The following CPNE4 variants were observed in gnomAD, a reference collection of about 807,000 sequenced individuals.
CPNE4 encodes the protein copine 4.
CPNE4 carries 25 observed loss-of-function variants against 67.9 expected under a neutral mutation model. The observed-to-expected ratio is 0.37, with a 90% CI of 0.27 to 0.51. The LOEUF is 0.51. Ranked by LOEUF, CPNE4 falls within the 20% of genes least tolerant of loss-of-function variation. CPNE4 has a pLI of 0.93. For synonymous variants in CPNE4, 242 were observed against 244.9 expected, an observed-to-expected ratio of 0.99 and a Z score of 0.11; for missense variants, 464 against 690.8, an observed-to-expected ratio of 0.67 and a Z score of 3.68.
At position 131,642,680 on chromosome 3, in the gene CPNE4, A is replaced by G. The variant is rs115422565; in HGVS notation, c.681+26995T>C. Among the ~76,000 whole-genome samples, 1,117 of 152,230 alleles carry G rather than the reference A, an allele frequency of 7.3e-3. 15 individuals carry two copies. The highest frequency in any genetic ancestry group is 0.026 in the African/African-American group (1,067 of 41,524). ...TGCTGCTGTTCTCATAATAGTGAGA[A>G]AATTCTTATGATATCCGATGGTTTT... is the stretch of plus-strand genomic sequence containing the variant. On this transcript the variant is annotated intron_variant, in intron 7 of 15. Coordinates refer to ENST00000429747, the MANE Select transcript of CPNE4 (RefSeq NM_130808.3).
intron 5 of CPNE4, among the ~76,000 whole-genome samples, chr3:131,692,334 G>C (rs966123266): frequency 4.6e-5 from 7 of 152,052 alleles, no homozygotes; most frequent in Admixed American, 3.9e-4. Context: ...TGAGCTTTGG[G>C]GATAATGTAG....
At chr3:132,011,278 A>T (rs1378763352) in intron 1 of CPNE4, among the ~76,000 whole-genome samples, 1 of 152,324 alleles carries the variant, frequency 6.6e-6, no homozygotes, top group South Asian at 2.1e-4. Context: ...GTTGGCAGAG[A>T]ACTGGGATCA....
intron 2 of CPNE4, among the ~76,000 whole-genome samples, chr3:131,747,708 A>T (rs1029002794): frequency 6.6e-6 from 1 of 152,116 alleles, no homozygotes; most frequent in African/African-American, 2.4e-5. Context: ...TAGAAATGCA[A>T]CTGACTTTGC....
chr3:131,670,609 C>A (rs532172731), intron 6 of CPNE4, among the ~76,000 whole-genome samples: 1 of 152,264 alleles, frequency 6.6e-6, no homozygotes, highest in Admixed American at 6.5e-5. Flanking sequence ...AGCTGCATCA[C>A]CTGGAAACTT....
intron 2 of CPNE4, among the ~76,000 whole-genome samples, chr3:131,764,893 A>G (rs896185018): frequency 1.3e-5 from 2 of 152,116 alleles, no homozygotes; most frequent in African/African-American, 4.8e-5. Context: ...ATTGTTTAAC[A>G]AAGACCTCCT....
intron 15 of CPNE4, chr3:131,537,529 C>T (rs1433323637): frequency 2.6e-5 from 5 of 192,046 alleles, no homozygotes; most frequent in African/African-American, 7.2e-5. Context: ...GTGATCCGCC[C>T]GCCTCAGCAT....
At chr3:131,920,881 C>T (rs531456709) in intron 1 of CPNE4, among the ~76,000 whole-genome samples, 1 of 152,096 alleles carries the variant, frequency 6.6e-6, no homozygotes, top group Non-Finnish European at 1.5e-5. Context: ...CCTCCCTCTC[C>T]GCAAATTGAG....
chr3:131,822,284 T>C (rs1265043172), intron 2 of CPNE4, among the ~76,000 whole-genome samples: 1 of 152,184 alleles, frequency 6.6e-6, no homozygotes, highest in Non-Finnish European at 1.5e-5. Flanking sequence ...TGGTTCTTTG[T>C]CAAAAAATCC....
At chr3:131,934,919 G>C (rs1029247654) in intron 1 of CPNE4, among the ~76,000 whole-genome samples, 1 of 152,144 alleles carries the variant, frequency 6.6e-6, no homozygotes, top group Non-Finnish European at 1.5e-5. Flanking sequence ...GCTGGAAAAA[G>C]GGAGATTTCC....
At chr3:131,671,991 C>T (rs2080430161) in intron 6 of CPNE4, among the ~76,000 whole-genome samples, 1 of 152,126 alleles carries the variant, frequency 6.6e-6, no homozygotes, top group East Asian at 1.9e-4. Flanking sequence ...CCTCTGCTGT[C>T]CATCATTGTA....
At chr3:131,597,084 T>G (rs775039654) in intron 7 of CPNE4, among the ~76,000 whole-genome samples, 4 of 152,228 alleles carry the variant, frequency 2.6e-5, no homozygotes, top group Non-Finnish European at 4.4e-5. Context: ...TGTCATGCTC[T>G]GACTCATTTA....
intron 2 of CPNE4, among the ~76,000 whole-genome samples, chr3:131,820,427 C>T (rs1400415226): frequency 6.6e-6 from 1 of 152,190 alleles, no homozygotes; most frequent in Non-Finnish European, 1.5e-5. Flanking sequence ...CACAGAAGGA[C>T]ATGATCGTTG....
chr3:131,857,957 T>C (rs1294198144), intron 2 of CPNE4, among the ~76,000 whole-genome samples: 1 of 152,130 alleles, frequency 6.6e-6, no homozygotes, highest in East Asian at 1.9e-4. Context: ...ACACAGGTGC[T>C]GGGAAGAGAA....
intron 1 of CPNE4, among the ~76,000 whole-genome samples, chr3:131,952,575 GGTC>G (rs1176363622): frequency 7.0e-5 from 6 of 85,164 alleles, no homozygotes; most frequent in African/African-American, 1.6e-4. Flanking sequence ...GAGGTGGGGG[GGTC>G]AGCACCCCGC....
At chr3:131,976,080 G>GTTT (rs1245538687) in intron 1 of CPNE4, among the ~76,000 whole-genome samples, 1 of 70,906 alleles carries the variant, frequency 1.4e-5, no homozygotes, top group African/African-American at 5.5e-5. Flanking sequence ...CAATATTGTT[G>GTTT]GTTTTTTTTT....
chr3:131,601,462 CT>C (rs1274200606), intron 7 of CPNE4, among the ~76,000 whole-genome samples: 6 of 152,066 alleles, frequency 3.9e-5, no homozygotes, highest in African/African-American at 1.4e-4. Context: ...CAAGGGTTGT[CT>C]GGGAGTGTTC....
At chr3:131,779,428 A>G (rs553705889) in intron 2 of CPNE4, among the ~76,000 whole-genome samples, 1 of 152,272 alleles carries the variant, frequency 6.6e-6, no homozygotes, top group African/African-American at 2.4e-5. Flanking sequence ...CCCAACTTCA[A>G]ACAATACTGC....
intron 2 of CPNE4, among the ~76,000 whole-genome samples, chr3:131,811,912 G>C (rs547483638): frequency 6.6e-6 from 1 of 152,150 alleles, no homozygotes; most frequent in South Asian, 2.1e-4. Context: ...CTTGCTCAAG[G>C]TCACACAGCT....
intron 9 of CPNE4, among the ~76,000 whole-genome samples, chr3:131,576,808 G>C (rs1937560058): frequency 6.6e-6 from 1 of 151,998 alleles, no homozygotes; most frequent in South Asian, 2.1e-4. Context: ...GATTTCAGCA[G>C]GTTTTGAAAT....
Sources: gnomAD v4.1 joint callset for allele counts (sites outside exome capture counted in the v4.1 genomes callset) on GRCh38, gnomAD v4.1.1 for gene constraint, MANE v1.5 for transcripts, NCBI Gene and HGNC (gene_info 2026-07-23, HGNC 2026-07-21) for gene names.